Variants in ELOVL6 observed in about 807,000 individuals in gnomAD.
ELOVL6 encodes the protein ELOVL fatty acid elongase 6.
Under a neutral mutation model 31.7 loss-of-function variants are expected in ELOVL6, and 8 were observed. The observed-to-expected ratio is 0.25, with a 90% CI of 0.15 to 0.45. The LOEUF is 0.45. ELOVL6 is among the 20% of genes least tolerant of loss of function. The pLI is 1.00. For missense variants in ELOVL6, 126 were observed against 326.4 expected (o/e 0.39, Z 4.73); for synonymous variants, 101 against 117.7 (o/e 0.86, Z 0.92).
intron 2 of ELOVL6, among the ~76,000 whole-genome samples, chr4:110,100,490 G>T (rs994523791): frequency 3.3e-5 from 5 of 151,030 alleles, no homozygotes; most frequent in African/African-American, 4.9e-5. Flanking sequence ...TCTTTTGTTT[G>T]TTTTTTTTTA....
At chr4:110,065,629 G>A (rs917707066) in intron 2 of ELOVL6, among the ~76,000 whole-genome samples, 2 of 152,016 alleles carry the variant, frequency 1.3e-5, no homozygotes, top group East Asian at 1.9e-4. Flanking sequence ...TTCTCAAAAC[G>A]ACAACAACAG....
intron 2 of ELOVL6, among the ~76,000 whole-genome samples, chr4:110,102,472 A>G (rs1756775437): frequency 6.6e-6 from 1 of 152,156 alleles, no homozygotes; most frequent in African/African-American, 2.4e-5. Flanking sequence ...CTAGGGCAAC[A>G]TAGTGAAACT....
At chr4:110,120,792 T>TC (rs1249563579) in intron 1 of ELOVL6, among the ~76,000 whole-genome samples, 2 of 144,710 alleles carry the variant, frequency 1.4e-5, no homozygotes, top group Admixed American at 7.2e-5. Context: ...TTCTTTTTTT[T>TC]CTTTTCTTTT....
intron 1 of ELOVL6, among the ~76,000 whole-genome samples, chr4:110,121,720 A>G (rs1265228179): frequency 1.3e-5 from 2 of 152,202 alleles, no homozygotes; most frequent in East Asian, 3.8e-4. Flanking sequence ...AGTAGTTTTT[A>G]TCATCCCTTC....
At chr4:110,176,409 C>T (rs1759106741) in intron 1 of ELOVL6, among the ~76,000 whole-genome samples, 1 of 152,176 alleles carries the variant, frequency 6.6e-6, no homozygotes, top group Non-Finnish European at 1.5e-5. Flanking sequence ...ATCTGCCCAC[C>T]TTGGCCTCCC....
chr4:110,094,387 T>C (rs1474810151), intron 2 of ELOVL6, among the ~76,000 whole-genome samples: 1 of 120,850 alleles, frequency 8.3e-6, no homozygotes, highest in African/African-American at 3.0e-5. Flanking sequence ...ACTCTGTTTC[T>C]ATTTTACTTA....
At chr4:110,131,623 T>A (rs1313022357) in intron 1 of ELOVL6, among the ~76,000 whole-genome samples, 6 of 151,710 alleles carry the variant, frequency 4.0e-5, no homozygotes, top group East Asian at 1.9e-4. Context: ...AAGAAAAAAA[T>A]TTTAAAAACT....
intron 1 of ELOVL6, among the ~76,000 whole-genome samples, chr4:110,175,021 T>C (rs1406093624): frequency 6.6e-6 from 1 of 151,496 alleles, no homozygotes; most frequent in Non-Finnish European, 1.5e-5. Context: ...GTTTATACTA[T>C]AAATATAATT....
intron 1 of ELOVL6, among the ~76,000 whole-genome samples, chr4:110,170,992 T>C (rs59188872): frequency 0.019 from 2,866 of 152,236 alleles, 79 homozygotes; most frequent in African/African-American, 0.065. Context: ...GCCTTTCTGA[T>C]TGAGTCCTGA....
intron 2 of ELOVL6, among the ~76,000 whole-genome samples, chr4:110,072,763 G>T (rs768405684): frequency 6.6e-6 from 1 of 152,118 alleles, no homozygotes; most frequent in Non-Finnish European, 1.5e-5. Flanking sequence ...TCAGACATTT[G>T]AGAATCTCCA....
chr4:110,072,318 A>G (rs553333162), intron 2 of ELOVL6, among the ~76,000 whole-genome samples: 2 of 152,344 alleles, frequency 1.3e-5, no homozygotes, highest in Admixed American at 1.3e-4. Context: ...TCTACTAAAA[A>G]TACAAAAATT....
At position 110,084,111 on chromosome 4, in the gene ELOVL6, G is replaced by C. The variant is rs1262795923; in HGVS notation, c.221+21386C>G. ...TATATAACATATATATGATATATATGATATATATAACATATATGTGATAAT... is the reference window on the plus strand; with the variant it reads ...TATATAACATATATATGATATATATCATATATATAACATATATGTGATAAT... On this transcript the variant is annotated intron_variant, in intron 2 of 3. Coordinates refer to ENST00000302274, the MANE Select transcript of ELOVL6 (RefSeq NM_024090.3). 2.5e-4 allele frequency among the ~76,000 whole-genome samples: 12 copies of C among 48,044 alleles called. 1 individual carries two copies. In the South Asian group the frequency reaches 4.7e-3, roughly 19 times the overall value. The allele number at this position is 48,044 out of a possible 152,430, so 31.5% of individuals were successfully genotyped here. A position where few individuals can be genotyped will look rare whatever the true frequency, so the allele number is the denominator to read the frequency against.
intron 3 of ELOVL6, among the ~76,000 whole-genome samples, chr4:110,057,128 CTA>C (rs1412670592): frequency 6.6e-6 from 1 of 152,132 alleles, no homozygotes; most frequent in African/African-American, 2.4e-5. Flanking sequence ...GTAGAAAGGA[CTA>C]TGTTTGTTCT....
chr4:110,095,617 A>G (rs1275715873), intron 2 of ELOVL6, among the ~76,000 whole-genome samples: 3 of 152,186 alleles, frequency 2.0e-5, no homozygotes, highest in Non-Finnish European at 4.4e-5. Context: ...TCAAGGCAAG[A>G]TTGTACATTT....
At chr4:110,074,690 G>C (rs1344293530) in intron 2 of ELOVL6, among the ~76,000 whole-genome samples, 1 of 152,194 alleles carries the variant, frequency 6.6e-6, no homozygotes, top group Non-Finnish European at 1.5e-5. Flanking sequence ...AGTGTGTGGA[G>C]TGCTGGGTGG....
intron 2 of ELOVL6, among the ~76,000 whole-genome samples, chr4:110,084,449 C>CATATATGATATATCATATATG (rs1181020099): frequency 8.5e-6 from 1 of 117,222 alleles, no homozygotes; most frequent in African/African-American, 3.8e-5. Flanking sequence ...TGATATATCG[C>CATATATGATATATCATATATG]ATATATCATA....
intron 1 of ELOVL6, among the ~76,000 whole-genome samples, chr4:110,159,025 C>CT (rs1758556577): frequency 2.0e-5 from 3 of 152,096 alleles, no homozygotes; most frequent in Non-Finnish European, 4.4e-5. Flanking sequence ...TCAGCTCTTA[C>CT]TTTGCATAGT....
At position 110,051,257 on chromosome 4, in the gene ELOVL6, G is replaced by A. The variant is rs1408650238; in HGVS notation, c.*81C>T. 120 of 1,420,422 alleles carry A rather than the reference G, an allele frequency of 8.4e-5. No homozygotes were observed. The Middle Eastern group carries it at 1.2e-3, about 15-fold the overall frequency. The allele number at this position is 1,420,422 out of a possible 1,614,324, so 88.0% of individuals were successfully genotyped here. A position where few individuals can be genotyped will look rare whatever the true frequency, so the allele number is the denominator to read the frequency against. Reference sequence around the variant, plus strand: ...TTTTGTTTTGTTTTAGCTGCACCACGTGTGATTCCTTGTGCCATTTTCTTT... The same window carrying A: ...TTTTGTTTTGTTTTAGCTGCACCACATGTGATTCCTTGTGCCATTTTCTTT... On this transcript the variant is annotated 3_prime_UTR_variant, in exon 4 of 4. Transcript: ENST00000302274. This position sits in a 1 kb window ranked among gnomAD's most constrained non-coding sequence, Gnocchi z 4.8.
In ELOVL6 at chr4:110,079,524, G is replaced by A. The variant is rs574589855; in HGVS notation, c.222-19770C>T. Among the ~76,000 whole-genome samples, 12 of 152,114 alleles carry A rather than the reference G, an allele frequency of 7.9e-5. No individual in the cohort carries two copies. The South Asian group carries it at 2.3e-3, about 29-fold the overall frequency. On this transcript the variant is annotated intron_variant, in intron 2 of 3. Transcript: ENST00000302274. Reference sequence around the variant, plus strand: ...ATAACGAAATGAAAGCAGAAATAAAGATGTTCTTTGAAACCAACGAGAACA... The same window carrying A: ...ATAACGAAATGAAAGCAGAAATAAAAATGTTCTTTGAAACCAACGAGAACA...
Sources: gnomAD v4.1 joint callset for allele counts (sites outside exome capture counted in the v4.1 genomes callset) on GRCh38, gnomAD v4.1.1 for gene constraint, Gnocchi (gnomAD v3.1) non-coding constraint, MANE v1.5 for transcripts, NCBI Gene and HGNC (gene_info 2026-07-23, HGNC 2026-07-21) for gene names.